The following DRD3 variants were observed in gnomAD, a reference collection of about 807,000 sequenced individuals.
DRD3 encodes dopamine receptor D3.
A neutral mutation model predicts 36.3 loss-of-function variants in DRD3; 19 were observed. The observed-to-expected ratio is 0.52, with a 90% CI of 0.36 to 0.77. The LOEUF is 0.77. Among genes scored for constraint, DRD3 ranks in the 30% least tolerant of loss-of-function variants. The probability of loss-of-function intolerance (pLI) is 0.00; values close to 1 mark genes in which losing one functional copy is unlikely to be tolerated. For missense variants in DRD3, 465 were observed against 505.3 expected (o/e 0.92, Z 0.77); for synonymous variants, 195 against 203.7 (o/e 0.96, Z 0.36).
At chr3:114,138,565 G>T (rs1254845000) in intron 5 of DRD3, among the ~76,000 whole-genome samples, 1 of 152,032 alleles carries the variant, frequency 6.6e-6, no homozygotes, top group Non-Finnish European at 1.5e-5. Context: ...CCTCCCACTG[G>T]GTCCCTCCCA....
At chr3:114,136,632 T>A (rs1236087760) in intron 5 of DRD3, among the ~76,000 whole-genome samples, 6 of 152,250 alleles carry the variant, frequency 3.9e-5, no homozygotes, top group Admixed American at 3.9e-4. Flanking sequence ...TATCTCCAAT[T>A]ACCACACCAG....
At chr3:114,159,234 A>G (rs1345158015) in intron 3 of DRD3, among the ~76,000 whole-genome samples, 1 of 152,194 alleles carries the variant, frequency 6.6e-6, no homozygotes, top group Non-Finnish European at 1.5e-5. Context: ...AGAGAAACAT[A>G]TAGATCACAG....
chr3:114,160,395 C>T (rs920420512), intron 2 of DRD3, among the ~76,000 whole-genome samples: 6 of 152,238 alleles, frequency 3.9e-5, no homozygotes, highest in Non-Finnish European at 8.8e-5. Flanking sequence ...TACAGGCATG[C>T]GCCACCAAGC....
At chr3:114,147,628 T>C in intron 3 of DRD3, 71 bp from the exon 4 acceptor site, 1 of 1,556,804 alleles carries the variant, frequency 6.4e-7, no homozygotes, top group East Asian at 2.3e-5. Flanking sequence ...TGCGTTGTTG[T>C]TGTTGTTGTT....
intron 4 of DRD3, among the ~76,000 whole-genome samples, chr3:114,143,679 G>T (rs2077546717): frequency 6.6e-6 from 1 of 152,098 alleles, no homozygotes; most frequent in African/African-American, 2.4e-5. Context: ...GTGCAACTAA[G>T]CTCCCCCTCC....
intron 2 of DRD3, among the ~76,000 whole-genome samples, chr3:114,168,664 G>A (rs1270492326): frequency 6.6e-6 from 1 of 152,146 alleles, no homozygotes; most frequent in African/African-American, 2.4e-5. Flanking sequence ...AAGCCAGCTT[G>A]CCAAGGATGG....
intron 3 of DRD3, among the ~76,000 whole-genome samples, chr3:114,159,411 A>G (rs1272743172): frequency 1.3e-5 from 2 of 151,720 alleles, no homozygotes; most frequent in African/African-American, 4.8e-5. Flanking sequence ...TACCAACCCC[A>G]GTCAGCTCAC....
In DRD3 at chr3:114,156,725, CTTTCTTTCTTTCTTTCTTTT is replaced by C. The variant is rs1398426033; in HGVS notation, c.383+3010_383+3029del. Among the ~76,000 whole-genome samples the C allele has an allele frequency of 4.5e-3, 212 of 47,328 alleles. 2 individuals carry two copies. The highest frequency in any genetic ancestry group is 0.013 in the African/African-American group (195 of 15,012). 31.0% of individuals were successfully genotyped at this position (47,328 alleles called of 152,430 possible). ...CAATATGGCTTGCCTGTCTTTCTTT[CTTTCTTTCTTTCTTTCTTTT>C]TCTTTCTTTCTTTCTTTCTTTCTTT... is the stretch of plus-strand genomic sequence containing the variant. On this transcript the variant is annotated intron_variant, in intron 3 of 6. Coordinates refer to ENST00000383673, the MANE Select transcript of DRD3 (RefSeq NM_000796.6).
chr3:114,195,111 C>T (rs946544966), intron 1 of DRD3, among the ~76,000 whole-genome samples: 8 of 152,072 alleles, frequency 5.3e-5, no homozygotes, highest in African/African-American at 1.7e-4. Context: ...TTTTGGGGAA[C>T]AGGGAGGAAT....
intron 3 of DRD3, among the ~76,000 whole-genome samples, chr3:114,148,860 C>T (rs932611701): frequency 2.0e-5 from 3 of 152,092 alleles, no homozygotes; most frequent in African/African-American, 7.2e-5. Context: ...CTACAGGCGC[C>T]TGCCAACATG....
rs150042478 is a variant in DRD3, at chr3:114,139,532, A to G, written c.691T>C (p.Cys231Arg). The G allele has an allele frequency of 6.2e-7, 1 of 1,614,048 alleles. No homozygotes were observed. The highest frequency in any genetic ancestry group is 8.5e-7 in the Non-Finnish European group (1 of 1,179,952). The change falls in exon 5 of 7, where the codon TGC becomes CGC. Residue 231 changes from cysteine (C) to arginine (R), a missense_variant. Transcript: ENST00000383673. ...GGGAAGCCAGGCCTGACACTGTTGC[A>G]CTGACTGTTCTGTCGAGTGAGGATC... is the stretch of plus-strand genomic sequence containing the variant. ...KRILTRQNSQ[C>R]NSVRPGFPQQ...
At chr3:114,196,584 A>G (rs551203437) in intron 1 of DRD3, among the ~76,000 whole-genome samples, 11 of 152,300 alleles carry the variant, frequency 7.2e-5, no homozygotes, top group Admixed American at 4.6e-4. Context: ...TGGCTGTACT[A>G]TTTTACATTT....
intron 1 of DRD3, among the ~76,000 whole-genome samples, chr3:114,196,438 C>T (rs2078035950): frequency 6.6e-6 from 1 of 152,148 alleles, no homozygotes; most frequent in Non-Finnish European, 1.5e-5. Context: ...CCTCAGCCTA[C>T]CTAGTAGCTG....
Position 114,131,206 on chromosome 3 carries a change from T to A in DRD3, c.918A>T (p.Leu306Phe), listed in dbSNP as rs1479794433. 6.2e-7 allele frequency: 1 copy of A among 1,614,210 alleles called. No individual in the cohort carries two copies. The highest frequency in any genetic ancestry group is 8.5e-7 in the Non-Finnish European group (1 of 1,180,044). The change falls in exon 6 of 7, where the codon TTA (leucine) becomes TTT (phenylalanine). Residue 306 changes from leucine to phenylalanine, a missense_variant. Transcript: ENST00000383673. ...GGGGCCCCAGCTTCAAAGATGTCGATAATCTGCCATTGCTGAGTTTTCGAA... is the reference window on the plus strand; with the variant it reads ...GGGGCCCCAGCTTCAAAGATGTCGAAAATCTGCCATTGCTGAGTTTTCGAA... The part of the protein sequence containing the change: ...LEVRKLSNGR[L>F]STSLKLGPLQ...
intron 2 of DRD3, among the ~76,000 whole-genome samples, chr3:114,162,323 T>C (rs964758002): frequency 6.6e-6 from 1 of 152,216 alleles, no homozygotes; most frequent in Non-Finnish European, 1.5e-5. Context: ...AAACTGAATT[T>C]GTTTTTATTG....
At position 114,147,620 on chromosome 3, in the gene DRD3, CGTT is replaced by C. The variant is rs572850334; in HGVS notation, c.384-66_384-64del. The C allele has an allele frequency of 4.0e-4, 627 of 1,564,448 alleles. 3 individuals are homozygous for C. In the Middle Eastern group the frequency reaches 4.1e-3, roughly 10 times the overall value. On this transcript the variant is annotated intron_variant, in intron 3 of 6. Transcript: ENST00000383673. ...ATGGAATGGGGTACTTTTCTTTCTG[CGTT>C]GTTGTTGTTGTTGTTTTTGGAGACA...
At position 114,127,766 on chromosome 3, in the gene DRD3, G is replaced by C. The variant is rs2077392640; in HGVS notation, c.*950C>G. ...ATCATTAAGTGATAGAAATTCTTCA[G>C]CTCCATTATTATCTTATGAGACCAC... is the stretch of plus-strand genomic sequence containing the variant. On this transcript the variant is annotated 3_prime_UTR_variant, in exon 7 of 7. Coordinates refer to ENST00000383673, the MANE Select transcript of DRD3 (RefSeq NM_000796.6). Among the ~76,000 whole-genome samples, 1 of 152,196 alleles carries C rather than the reference G, an allele frequency of 6.6e-6. No individual in the cohort carries two copies. Among genetic ancestry groups the C allele is most frequent in the Non-Finnish European group, 1.5e-5 (1 of 68,040 alleles).
At chr3:114,159,982 G>T in intron 2 of DRD3, 115 bp from the exon 3 acceptor site, 1 of 822,184 alleles carries the variant, frequency 1.2e-6, no homozygotes, top group Non-Finnish European at 2.0e-6. Context: ...CCTACTCCCT[G>T]TGTACCGTTG....
rs1183275832 is a variant in DRD3, at chr3:114,156,771, C to CTT, written c.383+2982_383+2983dup. ...TCTTTCTTTCTTTCTTTCTTTCTTT[C>CTT]TTTCTTTCTTTCTTTCTTTCTTTCT... On this transcript the variant is annotated intron_variant, in intron 3 of 6. Coordinates refer to ENST00000383673, the MANE Select transcript of DRD3 (RefSeq NM_000796.6). Among the ~76,000 whole-genome samples, 662 of 102,360 alleles carry CTT rather than the reference C, an allele frequency of 6.5e-3. 8 individuals are homozygous for CTT. Among genetic ancestry groups the CTT allele is most frequent in the African/African-American group, 0.015 (421 of 28,310 alleles). The allele number at this position is 102,360 out of a possible 152,430, so 67.2% of individuals were successfully genotyped here.
Sources: allele counts gnomAD v4.1 joint callset (sites outside exome capture counted in the v4.1 genomes callset), GRCh38; gene constraint gnomAD v4.1.1; transcripts MANE v1.5; gene names NCBI Gene and HGNC (gene_info 2026-07-23, HGNC 2026-07-21).